The following ELAVL2 variants were observed in gnomAD, a reference collection of about 807,000 sequenced individuals.
The protein encoded by ELAVL2 is ELAV-like protein 2.
A neutral mutation model predicts 34.6 loss-of-function variants in ELAVL2; 4 were observed. The observed-to-expected ratio is 0.12, with a 90% confidence interval of 0.06 to 0.26. ELAVL2 has a LOEUF of 0.26. Among genes scored for constraint, ELAVL2 ranks in the 10% least tolerant of loss-of-function variants. The pLI, the probability that ELAVL2 is intolerant of heterozygous loss-of-function variation, is 1.00. For missense variants in ELAVL2, 432 were observed against 442.8 expected (o/e 0.98, Z 0.22); for synonymous variants, 193 against 154.8 (o/e 1.25, Z -1.83).
chr9:23,822,116 C>G (rs1253812977), intron 1 of ELAVL2, among the ~76,000 whole-genome samples: 1 of 152,132 alleles, frequency 6.6e-6, no homozygotes, highest in Non-Finnish European at 1.5e-5. Context: ...GTTTGCAAAT[C>G]CCGAGGCCCG....
intron 1 of ELAVL2, among the ~76,000 whole-genome samples, chr9:23,819,384 G>A (rs118064318): frequency 1.9e-3 from 288 of 152,108 alleles, no homozygotes; most frequent in Non-Finnish European, 3.0e-3. Context: ...CACATCTTAG[G>A]CCTAGAAAAG....
intron 1 of ELAVL2, among the ~76,000 whole-genome samples, chr9:23,789,176 T>TAGTCCCTATATAGAGGGACTGCTTATTC (rs1360194034): frequency 3.3e-5 from 5 of 152,148 alleles, no homozygotes; most frequent in Non-Finnish European, 4.4e-5. Context: ...CAGTTCCTAT[T>TAGTCCCTATATAGAGGGACTGCTTATTC]AGTCCCTATA....
At chr9:23,721,061 C>T (rs539519186) in intron 3 of ELAVL2, among the ~76,000 whole-genome samples, 1 of 152,286 alleles carries the variant, frequency 6.6e-6, no homozygotes, top group South Asian at 2.1e-4. Flanking sequence ...TCATAACAAC[C>T]ACGGATGCCA....
At chr9:23,846,059 A>AT in the ELAVL2 span, among the ~76,000 whole-genome samples, 1 of 151,880 alleles carries the variant, frequency 6.6e-6, no homozygotes, top group Non-Finnish European at 1.5e-5. Flanking sequence ...AGAATAGGCA[A>AT]TATTTATGTC....
chr9:23,781,762 C>G (rs2059097162), intron 1 of ELAVL2, among the ~76,000 whole-genome samples: 1 of 152,038 alleles, frequency 6.6e-6, no homozygotes, highest in East Asian at 1.9e-4. Flanking sequence ...GCGGGATTCT[C>G]TGCTCACCGC....
At chr9:23,840,520 C>T in the ELAVL2 span, among the ~76,000 whole-genome samples, 2 of 152,102 alleles carry the variant, frequency 1.3e-5, no homozygotes, top group African/African-American at 4.8e-5. Context: ...ATTTTGGTTC[C>T]GTTATCTCTG....
At chr9:23,768,905 A>C (rs757544374) in intron 1 of ELAVL2, among the ~76,000 whole-genome samples, 2 of 152,202 alleles carry the variant, frequency 1.3e-5, no homozygotes, top group Non-Finnish European at 2.9e-5. Context: ...CATACTAACT[A>C]GAAAAGTTTA....
intron 1 of ELAVL2, among the ~76,000 whole-genome samples, chr9:23,777,354 C>A (rs971752946): frequency 1.3e-5 from 2 of 150,504 alleles, no homozygotes; most frequent in African/African-American, 4.9e-5. Context: ...TACTCAAATG[C>A]CACTCTATCG....
intron 3 of ELAVL2, among the ~76,000 whole-genome samples, chr9:23,724,594 CAAT>C (rs2044600655): frequency 6.6e-6 from 1 of 152,076 alleles, no homozygotes; most frequent in Non-Finnish European, 1.5e-5. Flanking sequence ...ATACAAATAA[CAAT>C]AAAAAAGTCA....
At chr9:23,712,574 A>T (rs922371102) in intron 3 of ELAVL2, among the ~76,000 whole-genome samples, 25 of 152,146 alleles carry the variant, frequency 1.6e-4, no homozygotes, top group African/African-American at 6.0e-4. Flanking sequence ...TCAAACTAAG[A>T]ATCCTGAGAC....
intron 2 of ELAVL2, among the ~76,000 whole-genome samples, chr9:23,755,170 A>G (rs969360766): frequency 2.6e-5 from 4 of 152,112 alleles, no homozygotes; most frequent in Admixed American, 1.3e-4. Flanking sequence ...ATTGTGTGCC[A>G]TTTCTCCAAT....
At chr9:23,719,886 T>A (rs1347482793) in intron 3 of ELAVL2, among the ~76,000 whole-genome samples, 1 of 149,486 alleles carries the variant, frequency 6.7e-6, no homozygotes, top group South Asian at 2.1e-4. Flanking sequence ...AGTATAATGG[T>A]GTGATCTCAG....
rs79405062 is a variant in ELAVL2 at position 23,825,112 on chromosome 9, C to A, written c.-16+694G>T. Among the ~76,000 whole-genome samples, 4 of 152,268 alleles carry A rather than the reference C, an allele frequency of 2.6e-5. No homozygotes were observed. The South Asian group carries it at 8.3e-4, about 32-fold the overall frequency. ...ATCCGGTACAGGCTTAAGAATTCAGCCCCAAATTGGCTATCTTCTTTTAAA... is the reference window on the plus strand; with the variant it reads ...ATCCGGTACAGGCTTAAGAATTCAGACCCAAATTGGCTATCTTCTTTTAAA... On this transcript the variant is annotated intron_variant, in intron 1 of 6. Transcript: ENST00000397312.
At chr9:23,758,180 T>C (rs999505611) in intron 2 of ELAVL2, among the ~76,000 whole-genome samples, 2 of 152,092 alleles carry the variant, frequency 1.3e-5, no homozygotes, top group South Asian at 2.1e-4. Context: ...AAATACGTAC[T>C]GAGAAACTGC....
At chr9:23,830,525 T>C (rs368107548), upstream of ELAVL2, among the ~76,000 whole-genome samples, 7 of 151,908 alleles carry the variant, frequency 4.6e-5, no homozygotes, top group South Asian at 1.2e-3. Flanking sequence ...TAAATGTTCT[T>C]TTAAAAAATG....
chr9:23,740,100 C>T (rs2048813824), intron 2 of ELAVL2, among the ~76,000 whole-genome samples: 2 of 144,574 alleles, frequency 1.4e-5, no homozygotes, highest in Non-Finnish European at 3.1e-5. Context: ...CTCTCTCACC[C>T]AAAAGTTAAA....
intron 1 of ELAVL2, among the ~76,000 whole-genome samples, chr9:23,772,861 C>A (rs548588259): frequency 6.6e-6 from 1 of 152,104 alleles, no homozygotes; most frequent in Admixed American, 6.6e-5. Flanking sequence ...GTTTTATTTA[C>A]TATGGAAATT....
chr9:23,798,946 T>G (rs752316357), intron 1 of ELAVL2, among the ~76,000 whole-genome samples: 2 of 152,176 alleles, frequency 1.3e-5, no homozygotes, highest in Non-Finnish European at 2.9e-5. Flanking sequence ...GACTTAACAA[T>G]TAGGTTCTTA....
chr9:23,743,087 T>A (rs955605978), intron 2 of ELAVL2, among the ~76,000 whole-genome samples: 1 of 152,174 alleles, frequency 6.6e-6, no homozygotes, highest in African/African-American at 2.4e-5. Flanking sequence ...GAAATTGAGC[T>A]GTACATGGTT....
Sources: allele counts gnomAD v4.1 joint callset (sites outside exome capture counted in the v4.1 genomes callset), GRCh38; gene constraint gnomAD v4.1.1; transcripts MANE v1.5; gene names NCBI Gene and HGNC (gene_info 2026-07-23, HGNC 2026-07-21).